DNER: variants seen among roughly 807,000 people sequenced by gnomAD.
DNER encodes delta and Notch-like epidermal growth factor-related receptor.
In DNER, 33 loss-of-function variants were observed where a neutral mutation model predicts 78.2. That is an observed-to-expected ratio of 0.42 (90% CI 0.32 to 0.56). DNER has a LOEUF of 0.56. Ranked by LOEUF, DNER falls within the 20% of genes least tolerant of loss-of-function variation. The pLI, the probability that DNER is intolerant of heterozygous loss-of-function variation, is 0.11. For missense variants in DNER, 918 were observed against 975.3 expected (o/e 0.94, Z 0.78); for synonymous variants, 417 against 384.8 (o/e 1.08, Z -0.98).
At chr2:229,457,221 C>T (rs1168718310) in intron 7 of DNER, among the ~76,000 whole-genome samples, 1 of 151,950 alleles carries the variant, frequency 6.6e-6, no homozygotes, top group African/African-American at 2.4e-5. Context: ...CTCAAGTCTA[C>T]AGGAAGAAAT....
chr2:229,588,362 T>C (rs777708056), intron 3 of DNER, 32 bp downstream of exon 3: 10 of 1,605,348 alleles, frequency 6.2e-6, no homozygotes, highest in Non-Finnish European at 7.7e-6. Context: ...ATAGCATCAC[T>C]CTTAACAGTT....
At position 229,623,824 on chromosome 2, in the gene DNER, C is replaced by A. The variant is rs563809974; in HGVS notation, c.277-31936G>T. Among the ~76,000 whole-genome samples, 6 of 152,334 alleles carry A rather than the reference C, an allele frequency of 3.9e-5. No individual in the cohort carries two copies. In the South Asian group the frequency reaches 1.2e-3, roughly 32 times the overall value. ...TTCCCATCCCAGAGCCAAGGAACCC[C>A]CAGCTCCTTCCACCTCTGCTTCTCT... is the stretch of plus-strand genomic sequence containing the variant. On this transcript the variant is annotated intron_variant, in intron 1 of 12. Transcript: ENST00000341772.
intron 4 of DNER, among the ~76,000 whole-genome samples, chr2:229,558,117 T>C (rs1018621203): frequency 2.6e-5 from 4 of 152,138 alleles, no homozygotes; most frequent in Non-Finnish European, 5.9e-5. Context: ...CTTAGCAAAC[T>C]AACACAAGAA....
At chr2:229,546,499 G>A (rs1038695058) in intron 5 of DNER, among the ~76,000 whole-genome samples, 3 of 152,246 alleles carry the variant, frequency 2.0e-5, no homozygotes, top group Non-Finnish European at 2.9e-5. Context: ...ACTGTGGGAG[G>A]CCAAGGCGGG....
intron 4 of DNER, among the ~76,000 whole-genome samples, chr2:229,568,389 C>A (rs1697150925): frequency 6.6e-6 from 1 of 152,116 alleles, no homozygotes; most frequent in Admixed American, 6.5e-5. Context: ...AGGCCCCTGC[C>A]TTGGTAAGGG....
intron 4 of DNER, among the ~76,000 whole-genome samples, chr2:229,558,534 T>C (rs1696896406): frequency 6.6e-6 from 1 of 152,220 alleles, no homozygotes; most frequent in African/African-American, 2.4e-5. Context: ...TCGAGTTATT[T>C]CAAAGTTTTC....
chr2:229,497,385 A>G (rs964398140), intron 6 of DNER, among the ~76,000 whole-genome samples: 11 of 152,098 alleles, frequency 7.2e-5, no homozygotes, highest in African/African-American at 2.7e-4. Flanking sequence ...TTACATCTAA[A>G]GAAGCTAGAC....
At chr2:229,521,010 C>A (rs1296331534) in intron 5 of DNER, among the ~76,000 whole-genome samples, 1 of 152,214 alleles carries the variant, frequency 6.6e-6, no homozygotes, top group Non-Finnish European at 1.5e-5. Flanking sequence ...GTACTGGGGT[C>A]ATGACTAGGG....
intron 9 of DNER, among the ~76,000 whole-genome samples, chr2:229,415,522 CA>C (rs1447267935): frequency 6.6e-6 from 1 of 152,176 alleles, no homozygotes; most frequent in Non-Finnish European, 1.5e-5. Flanking sequence ...CTACTTTTTT[CA>C]AGAGACTTTC....
At position 229,572,093 on chromosome 2, in the gene DNER, C is replaced by T. The variant is rs139682407; in HGVS notation, c.847+13765G>A. 4.6e-5 allele frequency among the ~76,000 whole-genome samples: 7 copies of T among 152,292 alleles called. No individual in the cohort carries two copies. The East Asian group carries it at 7.7e-4, about 17-fold the overall frequency. On this transcript the variant is annotated intron_variant, in intron 4 of 12. Transcript: ENST00000341772. ...GTTAATTTTCCATAACTTTCCACTACCCTAGCCAAATTGTCCTATTATTTC... is the reference window on the plus strand; with the variant it reads ...GTTAATTTTCCATAACTTTCCACTATCCTAGCCAAATTGTCCTATTATTTC...
chr2:229,707,180 A>ATTTTTTTTTTTTTTTTT (rs397868353), intron 1 of DNER, among the ~76,000 whole-genome samples: 2 of 94,610 alleles, frequency 2.1e-5, no homozygotes, highest in African/African-American at 4.4e-5. Context: ...CGGCTGGCTA[A>ATTTTTTTTTTTTTTTTT]TTTTTTTTTT....
chr2:229,560,086 C>A (rs1198549466), intron 4 of DNER, among the ~76,000 whole-genome samples: 1 of 152,198 alleles, frequency 6.6e-6, no homozygotes, highest in Non-Finnish European at 1.5e-5. Context: ...AGTGGAAGCA[C>A]AAAATGCTGG....
At chr2:229,708,119 G>A (rs1288100428) in intron 1 of DNER, among the ~76,000 whole-genome samples, 3 of 152,248 alleles carry the variant, frequency 2.0e-5, no homozygotes, top group African/African-American at 7.2e-5. Flanking sequence ...AGGAGGGTGT[G>A]GACCAGGAGT....
chr2:229,611,845 C>T (rs1031971069), intron 1 of DNER, among the ~76,000 whole-genome samples: 2 of 152,200 alleles, frequency 1.3e-5, no homozygotes, highest in African/African-American at 2.4e-5. Flanking sequence ...TTGAAACCTT[C>T]GTCACACAGT....
chr2:229,584,461 A>C (rs1697460786), intron 4 of DNER, among the ~76,000 whole-genome samples: 1 of 152,192 alleles, frequency 6.6e-6, no homozygotes, highest in South Asian at 2.1e-4. Context: ...CCAGAGTTCC[A>C]AGTTCCAACC....
intron 5 of DNER, among the ~76,000 whole-genome samples, chr2:229,526,590 G>C (rs1396058458): frequency 1.3e-5 from 2 of 152,238 alleles, no homozygotes; most frequent in Admixed American, 6.5e-5. Context: ...TCCTCATAAG[G>C]AGTGCACAGT....
At position 229,367,141 on chromosome 2, in the gene DNER, T is replaced by C. The variant is rs758068063; in HGVS notation, c.1856-22A>G. 3 of 1,613,654 alleles carry C rather than the reference T, an allele frequency of 1.9e-6. No homozygotes were observed. In the Admixed American group the frequency reaches 5.0e-5, roughly 27 times the overall value. The stretch of plus-strand genomic sequence containing the variant: ...AGGTCTGCAGGCAAAAATAAGCAAA[T>C]GGCTGGGTATGAGTTGTCACCTTTG... On this transcript the variant is annotated intron_variant, in intron 11 of 12. Transcript: ENST00000341772.
chr2:229,483,000 A>C (rs1695198309), intron 6 of DNER, among the ~76,000 whole-genome samples: 1 of 152,196 alleles, frequency 6.6e-6, no homozygotes, highest in East Asian at 1.9e-4. Flanking sequence ...GTTACCAATA[A>C]AATCAGAACA....
At chr2:229,503,126 G>A (rs746843574) in intron 6 of DNER, among the ~76,000 whole-genome samples, 3 of 152,180 alleles carry the variant, frequency 2.0e-5, no homozygotes, top group African/African-American at 4.8e-5. Flanking sequence ...TTTCTAAACC[G>A]AAAACTGTAA....
Sources: gnomAD v4.1 joint callset for allele counts (sites outside exome capture counted in the v4.1 genomes callset) on GRCh38, gnomAD v4.1.1 for gene constraint, MANE v1.5 for transcripts, NCBI Gene and HGNC (gene_info 2026-07-23, HGNC 2026-07-21) for gene names.